The following NELL2 variants were observed in gnomAD, a reference collection of about 807,000 sequenced individuals.
NELL2 encodes neural EGFL like 2, also known as protein kinase C-binding protein NELL2.
Under a neutral mutation model 109.6 loss-of-function variants are expected in NELL2, and 41 were observed. The observed-to-expected ratio is 0.37, with a 90% CI of 0.29 to 0.49. The LOEUF is 0.49. NELL2 is among the 20% of genes least tolerant of loss of function. NELL2 has a pLI of 0.98. For missense variants in NELL2, 900 were observed against 1,008.3 expected, an observed-to-expected ratio of 0.89 and a Z score of 1.45; for synonymous variants, 355 against 344.7, an observed-to-expected ratio of 1.03 and a Z score of -0.33.
chr12:44,771,080 GA>G (rs1444962639), intron 9 of NELL2, among the ~76,000 whole-genome samples: 1 of 151,814 alleles, frequency 6.6e-6, no homozygotes, highest in African/African-American at 2.4e-5. Flanking sequence ...TTCTATTTCA[GA>G]GTTAAGGTCA....
At chr12:44,820,500 T>A (rs762418696) in intron 2 of NELL2, among the ~76,000 whole-genome samples, 1 of 151,430 alleles carries the variant, frequency 6.6e-6, no homozygotes. Flanking sequence ...CCCCAGCTAC[T>A]CGGGAGGCTG....
intron 13 of NELL2, among the ~76,000 whole-genome samples, chr12:44,621,286 G>A (rs1202422935): frequency 1.3e-5 from 2 of 152,052 alleles, no homozygotes; most frequent in Admixed American, 1.3e-4. Flanking sequence ...ATTTAGATGA[G>A]CCCTGTAGAA....
At chr12:44,571,093 A>T (rs1041349685) in intron 15 of NELL2, among the ~76,000 whole-genome samples, 1 of 152,210 alleles carries the variant, frequency 6.6e-6, no homozygotes, top group African/African-American at 2.4e-5. Context: ...GTAGAATCTT[A>T]TAAAGAAGTT....
At chr12:44,596,064 T>C (rs1944953252) in intron 15 of NELL2, among the ~76,000 whole-genome samples, 1 of 152,156 alleles carries the variant, frequency 6.6e-6, no homozygotes, top group African/African-American at 2.4e-5. Flanking sequence ...TTAAAAGGTA[T>C]TAGTATTATT....
At chr12:44,796,863 T>A (rs530155494) in intron 3 of NELL2, among the ~76,000 whole-genome samples, 29 of 152,106 alleles carry the variant, frequency 1.9e-4, no homozygotes, top group African/African-American at 7.0e-4. Flanking sequence ...ATAACTGAGC[T>A]TAATATAAAA....
chr12:44,555,572 T>C lies in NELL2; in HGVS notation c.1664-22851A>G, dbSNP rs567426909. On this transcript the variant is annotated intron_variant, in intron 15 of 19. Coordinates refer to ENST00000429094, the MANE Select transcript of NELL2 (RefSeq NM_001145108.2). ...GGGATCAGCTGCCAAGTCTGCTAAGTGAGGAGTGGACACTGGAGTCTCAGA... is the reference window on the plus strand; with the variant it reads ...GGGATCAGCTGCCAAGTCTGCTAAGCGAGGAGTGGACACTGGAGTCTCAGA... Among the ~76,000 whole-genome samples, 3 of 152,224 alleles carry C rather than the reference T, an allele frequency of 2.0e-5. No individual in the cohort carries two copies. In the South Asian group the frequency reaches 6.2e-4, roughly 32 times the overall value.
At chr12:44,907,307 T>A (rs1271835334) in intron 1 of NELL2, among the ~76,000 whole-genome samples, 1 of 151,684 alleles carries the variant, frequency 6.6e-6, no homozygotes, top group African/African-American at 2.4e-5. Context: ...GACAGGAAAA[T>A]AAAAATAAGA....
chr12:44,743,717 T>A (rs1159026508), intron 9 of NELL2, among the ~76,000 whole-genome samples: 2 of 152,150 alleles, frequency 1.3e-5, no homozygotes, highest in African/African-American at 4.8e-5. Context: ...CATCACATAA[T>A]GGTAAAGGGA....
At chr12:44,819,025 A>T (rs1210523075) in intron 2 of NELL2, among the ~76,000 whole-genome samples, 1 of 151,938 alleles carries the variant, frequency 6.6e-6, no homozygotes, top group Non-Finnish European at 1.5e-5. Context: ...TACAGGCGTG[A>T]GCCACCGCGC....
At chr12:44,904,967 C>T (rs1025864670) in intron 1 of NELL2, among the ~76,000 whole-genome samples, 1 of 152,010 alleles carries the variant, frequency 6.6e-6, no homozygotes, top group African/African-American at 2.4e-5. Context: ...GAGAGTTAAA[C>T]AGTTTTAAGC....
At chr12:44,812,524 T>C (rs1943212132) in intron 3 of NELL2, among the ~76,000 whole-genome samples, 1 of 152,218 alleles carries the variant, frequency 6.6e-6, no homozygotes, top group Admixed American at 6.5e-5. Flanking sequence ...TTTCATTTTA[T>C]CTTGTCCTGT....
intron 1 of NELL2, among the ~76,000 whole-genome samples, chr12:44,882,110 C>T (rs1945418101): frequency 6.6e-6 from 1 of 151,760 alleles, no homozygotes; most frequent in Non-Finnish European, 1.5e-5. Context: ...AATAGACCTA[C>T]TCTAAAATTA....
intron 12 of NELL2, among the ~76,000 whole-genome samples, chr12:44,690,727 A>T (rs1396709213): frequency 2.0e-5 from 3 of 152,166 alleles, no homozygotes; most frequent in African/African-American, 7.2e-5. Flanking sequence ...TTTGCTCATG[A>T]CTATATGACC....
Position 44,577,475 on chromosome 12 carries a change from T to TG in NELL2, c.1663+29693_1663+29694insC, listed in dbSNP as rs1565955514. Among the ~76,000 whole-genome samples, 609 of 128,962 alleles carry TG rather than the reference T, an allele frequency of 4.7e-3. 6 individuals are homozygous for TG. Among genetic ancestry groups the TG allele is most frequent in the African/African-American group, 0.017 (519 of 30,282 alleles). 84.6% of individuals were successfully genotyped at this position (128,962 alleles called of 152,430 possible). A position where few individuals can be genotyped will look rare whatever the true frequency, so the allele number is the denominator to read the frequency against. Reference sequence around the variant, plus strand: ...TTTGTCAGATGAGTAGTTTTTTTTTTTTTTTTTTTTTTTTTTTGAGATGGA... The same window carrying TG: ...TTTGTCAGATGAGTAGTTTTTTTTTTGTTTTTTTTTTTTTTTTTGAGATGGA... On this transcript the variant is annotated intron_variant, in intron 15 of 19. Transcript: ENST00000429094.
intron 13 of NELL2, among the ~76,000 whole-genome samples, chr12:44,657,638 C>A (rs1344279877): frequency 6.6e-6 from 1 of 152,108 alleles, no homozygotes; most frequent in African/African-American, 2.4e-5. Flanking sequence ...TAGTCCCCTA[C>A]CCCCTAACAG....
intron 12 of NELL2, among the ~76,000 whole-genome samples, chr12:44,703,468 AAAG>A (rs1937670741): frequency 1.3e-5 from 2 of 152,242 alleles, no homozygotes; most frequent in African/African-American, 4.8e-5. Flanking sequence ...TTATGAAAAA[AAAG>A]AAGGCAATTT....
intron 13 of NELL2, among the ~76,000 whole-genome samples, chr12:44,635,433 T>G (rs377748045): frequency 1.3e-5 from 2 of 152,306 alleles, no homozygotes; most frequent in South Asian, 2.1e-4. Context: ...ATTTAAGTCT[T>G]TAATGCATCT....
chr12:44,648,635 A>G (rs1947180287), intron 13 of NELL2, among the ~76,000 whole-genome samples: 1 of 151,260 alleles, frequency 6.6e-6, no homozygotes, highest in Admixed American at 6.6e-5. Context: ...ATGAGATAGT[A>G]TCATACCTAA....
At chr12:44,534,404 A>G (rs1185757881) in intron 15 of NELL2, among the ~76,000 whole-genome samples, 1 of 152,120 alleles carries the variant, frequency 6.6e-6, no homozygotes, top group African/African-American at 2.4e-5. Context: ...CCTCTTCTTT[A>G]GAATCAGTTA....
Sources: gnomAD v4.1 joint callset for allele counts (sites outside exome capture counted in the v4.1 genomes callset) on GRCh38, gnomAD v4.1.1 for gene constraint, MANE v1.5 for transcripts, NCBI Gene and HGNC (gene_info 2026-07-23, HGNC 2026-07-21) for gene names.